PPP2R5C: variants seen among roughly 807,000 people sequenced by gnomAD.
PPP2R5C encodes protein phosphatase 2 regulatory subunit B'gamma.
Under a neutral mutation model 68.9 loss-of-function variants are expected in PPP2R5C, and 7 were observed. The ratio of observed to expected loss-of-function variants is 0.10; its 90% CI spans 0.06 to 0.19. The LOEUF (loss-of-function observed/expected upper bound fraction) is 0.19, where lower values mean the gene tolerates loss of function less well. Among genes scored for constraint, PPP2R5C ranks in the 10% least tolerant of loss-of-function variants. PPP2R5C has a pLI of 1.00. For missense variants in PPP2R5C, 348 were observed against 641.3 expected (o/e 0.54, Z 4.94); for synonymous variants, 210 against 222.2 (o/e 0.95, Z 0.49).
intron 6 of PPP2R5C, 76 bp downstream of exon 8, chr14:101,890,372 T>C (rs2044789102): frequency 7.2e-7 from 1 of 1,393,904 alleles, no homozygotes; most frequent in Non-Finnish European, 1.0e-6. Flanking sequence ...TGAGTCCAGC[T>C]GCCCGCTTTA....
chr14:101,919,256 A>G (rs2046878797), intron 13 of PPP2R5C, among the ~76,000 whole-genome samples: 1 of 152,238 alleles, frequency 6.6e-6, no homozygotes, highest in Non-Finnish European at 1.5e-5. Context: ...AGATGACTGA[A>G]TGCTTTTCTT....
chr14:101,870,040 C>CTTTTTTTTT (rs141433870), intron 2 of PPP2R5C, among the ~76,000 whole-genome samples: 12 of 53,104 alleles, frequency 2.3e-4, no homozygotes, highest in South Asian at 6.1e-4. Flanking sequence ...TTCAATTGGG[C>CTTTTTTTTT]TTTTTTTTTT....
chr14:101,866,847 C>G (rs1252084187), intron 2 of PPP2R5C, among the ~76,000 whole-genome samples: 7 of 151,970 alleles, frequency 4.6e-5, no homozygotes, highest in Non-Finnish European at 8.8e-5. Context: ...TTTGGGAGGC[C>G]AGGGCAGGAG....
intron 3 of PPP2R5C, among the ~76,000 whole-genome samples, chr14:101,787,762 A>C (rs1249409418): frequency 7.7e-6 from 1 of 129,178 alleles, no homozygotes; most frequent in Non-Finnish European, 1.6e-5. Context: ...GCGAGACTCC[A>C]TCTCAAAAAA....
intron 1 of PPP2R5C, chr14:101,820,220 T>C (rs1381724649): frequency 1.3e-5 from 2 of 152,228 alleles, no homozygotes; most frequent in Admixed American, 1.3e-4. Flanking sequence ...GACACTGTTT[T>C]TGGCCCATGG....
At chr14:101,851,992 G>C (rs1414939066) in intron 1 of PPP2R5C, among the ~76,000 whole-genome samples, 2 of 152,108 alleles carry the variant, frequency 1.3e-5, no homozygotes, top group Non-Finnish European at 2.9e-5. Context: ...GGTGAAGTTG[G>C]CTGTGGTATT....
At chr14:101,885,580 C>T (rs1335128409) in intron 5 of PPP2R5C, among the ~76,000 whole-genome samples, 1 of 152,256 alleles carries the variant, frequency 6.6e-6, no homozygotes, top group Non-Finnish European at 1.5e-5. Context: ...CTGACCTGCA[C>T]ACCTGATAGG....
rs57762064 is a variant in PPP2R5C, at chr14:101,835,060, GA to G, written c.95-21616del. 8.7e-3 allele frequency among the ~76,000 whole-genome samples: 1,297 copies of G among 149,622 alleles called. 6 individuals carry two copies. Among genetic ancestry groups the G allele is most frequent in the Non-Finnish European group, 0.013 (907 of 67,242 alleles). Reference sequence around the variant, plus strand: ...GTATTCAAAGCACATTCACAGTAAGGAAAAAAAAAATGCAGCCTGTGTCTTC... The same window carrying G: ...GTATTCAAAGCACATTCACAGTAAGGAAAAAAAAATGCAGCCTGTGTCTTC... On this transcript the variant is annotated intron_variant, in intron 1 of 13. Transcript: ENST00000334743. This position sits in a 1 kb window ranked among gnomAD's most constrained non-coding sequence, Gnocchi z 5.0.
In PPP2R5C at chr14:101,906,657, T is replaced by C. The variant is rs1036294749; in HGVS notation, c.1151+128T>C. 7.9e-7 allele frequency: 1 copy of C among 1,270,922 alleles called. No individual in the cohort carries two copies. The highest frequency in any genetic ancestry group is 1.5e-5 in the African/African-American group (1 of 65,644). The allele number at this position is 1,270,922 out of a possible 1,614,324, so 78.7% of individuals were successfully genotyped here. On this transcript the variant is annotated intron_variant, in intron 10 of 13. Transcript: ENST00000334743. The surrounding 1 kb of genome is among the most constrained non-coding windows in gnomAD (Gnocchi z 4.0). ...AAAAACAAGAAGGTCAGTTGCTTTG[T>C]GGACTCATAAATTAAGTAGCAGCGT... is the stretch of plus-strand genomic sequence containing the variant.
intron 3 of PPP2R5C, among the ~76,000 whole-genome samples, chr14:101,791,211 T>C (rs558160000): frequency 4.6e-5 from 7 of 152,362 alleles, no homozygotes; most frequent in African/African-American, 1.7e-4. Flanking sequence ...ATATCTATTA[T>C]TGTCTTTTCG....
At chr14:101,841,314 T>C (rs1249509563) in intron 1 of PPP2R5C, among the ~76,000 whole-genome samples, 3 of 152,248 alleles carry the variant, frequency 2.0e-5, no homozygotes, top group Non-Finnish European at 2.9e-5. Context: ...AGGGGGCGAC[T>C]GTGCCTAGTA....
chr14:101,859,828 G>A (rs2140615798), intron 2 of PPP2R5C, among the ~76,000 whole-genome samples: 1 of 152,202 alleles, frequency 6.6e-6, no homozygotes, highest in Non-Finnish European at 1.5e-5. Flanking sequence ...GCAGCCTTTA[G>A]CCATGCCTGT....
chr14:101,851,884 C>T (rs78672175), intron 1 of PPP2R5C, among the ~76,000 whole-genome samples: 5,214 of 152,070 alleles, frequency 0.034, 224 homozygotes, highest in African/African-American at 0.095. Flanking sequence ...TTTAGTAATT[C>T]AGCCTTACTT....
chr14:101,917,236 C>T lies in PPP2R5C; in HGVS notation c.1327-595C>T, dbSNP rs866700556. 2.6e-5 allele frequency among the ~76,000 whole-genome samples: 4 copies of T among 152,184 alleles called. No homozygotes were observed. Among genetic ancestry groups the T allele is most frequent in the African/African-American group, 7.2e-5 (3 of 41,494 alleles). On this transcript the variant is annotated intron_variant, in intron 12 of 13. Transcript: ENST00000334743. This position sits in a 1 kb window ranked among gnomAD's most constrained non-coding sequence, Gnocchi z 4.4. ...AGAGTGGAGAAGTCCCAGGGCCGCC[C>T]GTAGGGAATGGAGAGGGAGCGTCAG...
chr14:101,855,135 A>G (rs1182629980), intron 1 of PPP2R5C, among the ~76,000 whole-genome samples: 6 of 152,242 alleles, frequency 3.9e-5, no homozygotes, highest in Non-Finnish European at 8.8e-5. Flanking sequence ...ACACCAGTGC[A>G]TTCCAGCCTG....
intron 5 of PPP2R5C, chr14:101,889,679 A>T (rs1396213863): frequency 1.5e-5 from 4 of 260,324 alleles, no homozygotes; most frequent in South Asian, 3.8e-5. Flanking sequence ...CTTCAGAAAG[A>T]TCGCACCTGA....
intron 1 of PPP2R5C, among the ~76,000 whole-genome samples, chr14:101,828,745 T>G (rs2040554364): frequency 6.7e-6 from 1 of 150,276 alleles, no homozygotes; most frequent in Non-Finnish European, 1.5e-5. Flanking sequence ...TGACACGATC[T>G]CGGCTCACTG....
Position 101,883,114 on chromosome 14 carries a change from A to T in PPP2R5C, c.406-143A>T, listed in dbSNP as rs1463638578. ...TCACCATTTATCATTGAATTAAGCC[A>T]TGTAATTTAGCATTAATTCTGTAGA... is the stretch of plus-strand genomic sequence containing the variant. On this transcript the variant is annotated intron_variant, in intron 3 of 13. Coordinates refer to ENST00000334743, the Ensembl canonical transcript of PPP2R5C. The T allele has an allele frequency of 1.3e-5, 8 of 615,524 alleles. No homozygotes were observed. The South Asian group carries it at 1.5e-4, about 11-fold the overall frequency. 38.1% of individuals were successfully genotyped at this position (615,524 alleles called of 1,614,324 possible).
At chr14:101,823,709 C>G in intron 1 of PPP2R5C, 3 of 999,292 alleles carry the variant, frequency 3.0e-6, no homozygotes, top group Non-Finnish European at 3.6e-6. Context: ...GTGACAGAGA[C>G]CAGATACCGG....
Sources: gnomAD v4.1 joint callset for allele counts (sites outside exome capture counted in the v4.1 genomes callset) on GRCh38, gnomAD v4.1.1 for gene constraint, Gnocchi (gnomAD v3.1) non-coding constraint, MANE v1.5 for transcripts, NCBI Gene and HGNC (gene_info 2026-07-23, HGNC 2026-07-21) for gene names.